The following MCFD2 variants were observed in gnomAD, a reference collection of about 807,000 sequenced individuals.
The protein encoded by MCFD2 is multiple coagulation factor deficiency protein 2.
A neutral mutation model predicts 12.8 loss-of-function variants in MCFD2; 11 were observed. That is an observed-to-expected ratio of 0.86 (90% confidence interval 0.54 to 1.42). The LOEUF (loss-of-function observed/expected upper bound fraction) is 1.42, where lower values mean the gene tolerates loss of function less well. Ranked by LOEUF, MCFD2 falls within the 40% of genes most tolerant of loss-of-function variation. The probability of loss-of-function intolerance (pLI) is 0.00; values close to 1 mark genes in which losing one functional copy is unlikely to be tolerated. For missense variants in MCFD2, 191 were observed against 178.6 expected (o/e 1.07, Z -0.40); for synonymous variants, 70 against 68.1 (o/e 1.03, Z -0.14).
At position 46,908,190 on chromosome 2, in the gene MCFD2, A is replaced by G; in HGVS notation, c.150-221T>C. 1.7e-6 allele frequency: 1 copy of G among 589,422 alleles called. No individual in the cohort carries two copies. The highest frequency in any genetic ancestry group is 2.0e-5 in the South Asian group (1 of 50,070). 36.5% of individuals were successfully genotyped at this position (589,422 alleles called of 1,614,324 possible). Reference sequence around the variant, plus strand: ...TCTGTTATGCTGGCAGGATTAGGGTATTCTTTCCTCTTTATTATTAGAATT... The same window carrying G: ...TCTGTTATGCTGGCAGGATTAGGGTGTTCTTTCCTCTTTATTATTAGAATT... On this transcript the variant is annotated intron_variant, in intron 2 of 3. Transcript: ENST00000319466. The surrounding 1 kb of genome is among the most constrained non-coding windows in gnomAD (Gnocchi z 4.5).
At position 46,905,409 on chromosome 2, in the gene MCFD2, A is replaced by G. The variant is rs1016538263; in HGVS notation, c.*54T>C. 2.2e-5 allele frequency: 36 copies of G among 1,602,582 alleles called. No individual in the cohort carries two copies. In the African/African-American group the frequency reaches 4.3e-4, roughly 19 times the overall value. On this transcript the variant is annotated 3_prime_UTR_variant, in exon 4 of 4. Transcript: ENST00000319466. Reference sequence around the variant, plus strand: ...TTATTTTGCATTACTAAAGTGTTCAATCACATTATCACGGGTCACATTTGT... The same window carrying G: ...TTATTTTGCATTACTAAAGTGTTCAGTCACATTATCACGGGTCACATTTGT...
chr2:46,914,652 C>T (rs552953883), intron 1 of MCFD2, among the ~76,000 whole-genome samples: 1 of 152,332 alleles, frequency 6.6e-6, no homozygotes, highest in Admixed American at 6.5e-5. Flanking sequence ...CGACAAACTC[C>T]TCTCACACAG....
chr2:46,926,750 G>T (rs1669404252), intron 1 of MCFD2, among the ~76,000 whole-genome samples: 4 of 152,156 alleles, frequency 2.6e-5, no homozygotes, highest in Admixed American at 2.6e-4. Context: ...TAGACATGAG[G>T]AAACAAGACA....
At chr2:46,933,567 G>T in intron 1 of MCFD2, among the ~76,000 whole-genome samples, 1 of 152,184 alleles carries the variant, frequency 6.6e-6, no homozygotes, top group East Asian at 1.9e-4. Flanking sequence ...GGGAGGGCTG[G>T]TTCAGTATTG....
upstream of MCFD2, among the ~76,000 whole-genome samples, chr2:46,919,585 A>G (rs116624303): frequency 0.012 from 1,809 of 152,304 alleles, 41 homozygotes; most frequent in African/African-American, 0.042. Flanking sequence ...CTATACATGA[A>G]ATTGATCAGA....
At chr2:46,927,685 A>G (rs1388919646) in intron 1 of MCFD2, among the ~76,000 whole-genome samples, 1 of 152,062 alleles carries the variant, frequency 6.6e-6, no homozygotes, top group African/African-American at 2.4e-5. Context: ...TTAAAGGAGC[A>G]ACAGACGGCT....
upstream of MCFD2, among the ~76,000 whole-genome samples, chr2:46,916,893 A>G (rs746580695): frequency 7.3e-5 from 11 of 151,722 alleles, no homozygotes; most frequent in Non-Finnish European, 1.0e-4. Flanking sequence ...TCAGCCTCCC[A>G]AAGTGCTGGG....
intron 3 of MCFD2, among the ~76,000 whole-genome samples, chr2:46,906,603 C>G (rs906513069): frequency 6.7e-6 from 1 of 148,224 alleles, no homozygotes; most frequent in Non-Finnish European, 1.5e-5. Context: ...CTCCCCACTA[C>G]CCTCCCACCC....
chr2:46,913,538 G>A (rs1484188307), intron 1 of MCFD2, among the ~76,000 whole-genome samples: 7 of 152,218 alleles, frequency 4.6e-5, no homozygotes. Context: ...ATAACAGGTT[G>A]CATCATCCAT....
At chr2:46,929,500 TAAAG>T (rs1553360008) in intron 1 of MCFD2, among the ~76,000 whole-genome samples, 3 of 151,904 alleles carry the variant, frequency 2.0e-5, no homozygotes, top group Non-Finnish European at 4.4e-5. Context: ...CATAAATAAA[TAAAG>T]AAATAAATAG....
Position 46,941,364 on chromosome 2 carries a change from G to GTGCTGCTGC in MCFD2, c.-8+199_-8+207dup, listed in dbSNP as rs997844606. On this transcript the variant is annotated intron_variant, in intron 1 of 2. Transcript: ENST00000409147. The surrounding 1 kb of genome is among the most constrained non-coding windows in gnomAD (Gnocchi z 4.2). The stretch of plus-strand genomic sequence containing the variant: ...CCGGGCGGTGCGCTGGGAGCTGCTG[G>GTGCTGCTGC]TGCTGCTGCTGCTGCTGCTGCCCAC... 1.0e-5 allele frequency: 4 copies of GTGCTGCTGC among 384,046 alleles called. No individual in the cohort carries two copies. The highest frequency in any genetic ancestry group is 1.6e-5 in the Non-Finnish European group (4 of 255,768). 23.8% of individuals were successfully genotyped at this position (384,046 alleles called of 1,614,324 possible).
In MCFD2 at chr2:46,905,076, T is replaced by TTGC. The variant is rs776760267; in HGVS notation, c.*384_*386dup. On this transcript the variant is annotated 3_prime_UTR_variant, in exon 4 of 4. Coordinates refer to ENST00000319466, the MANE Select transcript of MCFD2 (RefSeq NM_139279.6). ...ACTTTTGCTTCTTCCTCATTTTCTC[T>TTGC]TGCTGCCATGTAAGAAGTGCCTTTC... 16 of 332,096 alleles carry TTGC rather than the reference T, an allele frequency of 4.8e-5. No homozygotes were observed. Among genetic ancestry groups the TTGC allele is most frequent in the Middle Eastern group, 1.0e-3 (1 of 978 alleles). 20.6% of individuals were successfully genotyped at this position (332,096 alleles called of 1,614,324 possible).
In MCFD2 at chr2:46,941,402, G is replaced by C. The variant is rs1670357619; in HGVS notation, c.-8+170C>G. ...TGCTGCTGCCCACCCTCCGCCGCCCGGGCCCCCGCTGCCGCCCGGGCCCCG... is the reference window on the plus strand; with the variant it reads ...TGCTGCTGCCCACCCTCCGCCGCCCCGGCCCCCGCTGCCGCCCGGGCCCCG... On this transcript the variant is annotated intron_variant, in intron 1 of 2. Transcript: ENST00000409147. The surrounding 1 kb of genome is among the most constrained non-coding windows in gnomAD (Gnocchi z 4.2). The C allele has an allele frequency of 5.5e-6, 4 of 732,128 alleles. No individual in the cohort carries two copies. The East Asian group carries it at 1.8e-4, about 33-fold the overall frequency. 45.4% of individuals were successfully genotyped at this position (732,128 alleles called of 1,614,324 possible). A position where few individuals can be genotyped will look rare whatever the true frequency, so the allele number is the denominator to read the frequency against.
chr2:46,941,514 C>T lies in MCFD2; in HGVS notation c.-8+58G>A, dbSNP rs931728213. The T allele has an allele frequency of 6.5e-7, 1 of 1,547,864 alleles. No individual in the cohort carries two copies. On this transcript the variant is annotated intron_variant, in intron 1 of 2. Transcript: ENST00000409147. This position sits in a 1 kb window ranked among gnomAD's most constrained non-coding sequence, Gnocchi z 4.2. ...CGGCCGGGTCTCCACTTCTTGGCCG[C>T]ACCTTCCATGACAGCGCCCGCGAGA...
chr2:46,923,426 T>C (rs565288219), intron 1 of MCFD2, among the ~76,000 whole-genome samples: 14 of 152,290 alleles, frequency 9.2e-5, no homozygotes, highest in African/African-American at 3.4e-4. Context: ...TGTGGAGTCT[T>C]TAAGGATTGT....
At chr2:46,918,119 T>A (rs1668910281), upstream of MCFD2, among the ~76,000 whole-genome samples, 1 of 152,206 alleles carries the variant, frequency 6.6e-6, no homozygotes. Context: ...TGTCTCCATA[T>A]GAATGTCAGA....
At position 46,905,559 on chromosome 2, in the gene MCFD2, A is replaced by C; in HGVS notation, c.345T>G (p.Asp115Glu). Residue 115 changes from aspartate (D) to glutamate (E), a missense_variant, in exon 4 of 4, where the codon GAT (aspartate) becomes GAG (glutamate). Physicochemically the swap from Asp to Glu is conservative, Grantham distance 45. Coordinates refer to ENST00000319466, the MANE Select transcript of MCFD2 (RefSeq NM_139279.6). ...GSEQAPLMSE[D>E]ELINIIDGVL... ...CACCATCTATTATGTTAATCAGTTC[A>C]TCTTCACTCATTAGTGGTGCCTGTT... The C allele has an allele frequency of 6.2e-7, 1 of 1,613,490 alleles. No individual in the cohort carries two copies. The highest frequency in any genetic ancestry group is 8.5e-7 in the Non-Finnish European group (1 of 1,179,430).
chr2:46,905,589 C>T lies in MCFD2; in HGVS notation c.315G>A (p.Gly105=). The change falls in exon 4 of 4, where the codon GGG becomes GGA. Residue 105 remains glycine (G), a synonymous_variant. Coordinates refer to ENST00000319466, the MANE Select transcript of MCFD2 (RefSeq NM_139279.6). ...TAITHVHKEE[G]SEQAPLMSED... ...CACTCATTAGTGGTGCCTGTTCACT[C>T]CCTTCCTACAAAATACAAATTAGAC... 1.2e-6 allele frequency: 2 copies of T among 1,613,316 alleles called. No homozygotes were observed. Among genetic ancestry groups the T allele is most frequent in the South Asian group, 1.1e-5 (1 of 91,060 alleles).
intron 1 of MCFD2, among the ~76,000 whole-genome samples, chr2:46,927,836 G>A (rs1342995352): frequency 6.7e-6 from 1 of 148,628 alleles, no homozygotes; most frequent in Non-Finnish European, 1.5e-5. Flanking sequence ...GAAAAAAACT[G>A]AGTGATTTAT....
Sources: allele counts gnomAD v4.1 joint callset (sites outside exome capture counted in the v4.1 genomes callset), GRCh38; gene constraint gnomAD v4.1.1; non-coding constraint Gnocchi (gnomAD v3.1); transcripts MANE v1.5; gene names NCBI Gene and HGNC (gene_info 2026-07-23, HGNC 2026-07-21).